ADGRL3: variants seen among roughly 807,000 people sequenced by gnomAD.
ADGRL3 encodes the protein adhesion G protein-coupled receptor L3.
Under a neutral mutation model 153.5 loss-of-function variants are expected in ADGRL3, and 62 were observed. That is an observed-to-expected ratio of 0.40 (90% CI 0.33 to 0.50). The LOEUF is 0.50. ADGRL3 is among the 20% of genes least tolerant of loss of function. The pLI, the probability that ADGRL3 is intolerant of heterozygous loss-of-function variation, is 0.47. For synonymous variants in ADGRL3, 710 were observed against 672.5 expected (o/e 1.06, Z -0.86); for missense variants, 1,641 against 1,859.4 (o/e 0.88, Z 2.16).
At chr4:61,453,430 G>C (rs543273911) in intron 2 of ADGRL3, among the ~76,000 whole-genome samples, 1 of 152,040 alleles carries the variant, frequency 6.6e-6, no homozygotes, top group African/African-American at 2.4e-5. Context: ...TAGGGGTAAC[G>C]ATTGACATGC....
chr4:61,811,304 G>C (rs1226796523), intron 8 of ADGRL3, among the ~76,000 whole-genome samples: 1 of 151,936 alleles, frequency 6.6e-6, no homozygotes, highest in Non-Finnish European at 1.5e-5. Flanking sequence ...GGAAAAAGGA[G>C]TAAAGTACTG....
At chr4:61,281,862 T>C (rs2093736106) in intron 1 of ADGRL3, among the ~76,000 whole-genome samples, 1 of 152,162 alleles carries the variant, frequency 6.6e-6, no homozygotes, top group Non-Finnish European at 1.5e-5. Context: ...TTTTAAAGTT[T>C]AGAAAGTCTT....
intron 1 of ADGRL3, among the ~76,000 whole-genome samples, chr4:61,372,950 G>A (rs534862196): frequency 1.2e-4 from 18 of 152,280 alleles, no homozygotes; most frequent in Middle Eastern, 6.8e-3. Context: ...TTTTAAGCCC[G>A]TCGGAAAAGC....
intron 5 of ADGRL3, among the ~76,000 whole-genome samples, chr4:61,647,454 G>T (rs2094065771): frequency 6.6e-6 from 1 of 152,034 alleles, no homozygotes; most frequent in Non-Finnish European, 1.5e-5. Flanking sequence ...TTCACACATT[G>T]GTAGACAACA....
At chr4:61,645,028 C>G (rs1394763099) in intron 5 of ADGRL3, among the ~76,000 whole-genome samples, 1 of 152,076 alleles carries the variant, frequency 6.6e-6, no homozygotes, top group Admixed American at 6.6e-5. Flanking sequence ...TGATCCTTTA[C>G]CATTATGTAA....
intron 4 of ADGRL3, among the ~76,000 whole-genome samples, chr4:61,544,919 TC>T (rs1312995622): frequency 3.3e-5 from 5 of 152,224 alleles, no homozygotes; most frequent in Admixed American, 6.5e-5. Context: ...AGTATTTTTT[TC>T]TTTTACTCTT....
At chr4:61,477,507 A>G (rs2098079789) in intron 2 of ADGRL3, among the ~76,000 whole-genome samples, 1 of 152,198 alleles carries the variant, frequency 6.6e-6, no homozygotes, top group South Asian at 2.1e-4. Context: ...TTATGGAATC[A>G]AGGATTTTAA....
At chr4:61,918,916 C>T (rs908654313) in intron 13 of ADGRL3, among the ~76,000 whole-genome samples, 3 of 152,158 alleles carry the variant, frequency 2.0e-5, no homozygotes, top group Admixed American at 6.5e-5. Context: ...GTTTTACTTG[C>T]GTGCCTTTGG....
intron 5 of ADGRL3, among the ~76,000 whole-genome samples, chr4:61,617,171 T>C (rs990645755): frequency 5.3e-5 from 8 of 152,184 alleles, no homozygotes; most frequent in South Asian, 2.1e-4. Flanking sequence ...ATTCAGGTGG[T>C]CTGCATTGTT....
Position 61,676,809 on chromosome 4 carries a change from CTTTCT to C in ADGRL3, c.474-13_474-9del. The C allele has an allele frequency of 3.2e-6, 5 of 1,569,732 alleles. No homozygotes were observed. The highest frequency in any genetic ancestry group is 4.4e-6 in the Non-Finnish European group (5 of 1,140,622). On this transcript the variant is annotated splice_polypyrimidine_tract_variant and intron_variant, in intron 5 of 26. Coordinates refer to ENST00000683033, the MANE Select transcript of ADGRL3 (RefSeq NM_001387552.1). ...TTGCATAAGCTTACTACTTCTTTTC[CTTTCT>C]TTTGACTTCAGATGCAATAACAGAA...
chr4:61,915,941 G>T (rs182849846), intron 13 of ADGRL3, among the ~76,000 whole-genome samples: 1 of 152,002 alleles, frequency 6.6e-6, no homozygotes, highest in South Asian at 2.1e-4. Flanking sequence ...TTTCATAAGC[G>T]CAAGCAATGA....
At chr4:61,508,965 A>T (rs1054271348) in intron 3 of ADGRL3, among the ~76,000 whole-genome samples, 3 of 152,064 alleles carry the variant, frequency 2.0e-5, no homozygotes, top group African/African-American at 7.2e-5. Flanking sequence ...AAACCATCAG[A>T]TCTTGTGAAA....
chr4:61,643,293 C>T (rs912908087), intron 5 of ADGRL3, among the ~76,000 whole-genome samples: 5 of 151,970 alleles, frequency 3.3e-5, no homozygotes, highest in East Asian at 1.9e-4. Context: ...CTTCTCCTGC[C>T]TAATTGCCCT....
rs1561105134 is a variant in ADGRL3 at position 61,711,461 on chromosome 4, TATATATATATATATATA to T, written c.584-19160_584-19144del. On this transcript the variant is annotated intron_variant, in intron 6 of 26. Transcript: ENST00000683033. ...CTATCTTAAAACATATGCTTCATTA[TATATATATATATATATA>T]TATATATATATATACACACACACAC... Among the ~76,000 whole-genome samples, 106 of 70,112 alleles carry T rather than the reference TATATATATATATATATA, an allele frequency of 1.5e-3. 8 individuals carry two copies. The Middle Eastern group carries it at 0.027, about 18-fold the overall frequency. The allele number at this position is 70,112 out of a possible 152,430, so 46.0% of individuals were successfully genotyped here.
intron 9 of ADGRL3, among the ~76,000 whole-genome samples, chr4:61,858,458 TA>T (rs2098303606): frequency 6.6e-6 from 1 of 152,030 alleles, no homozygotes; most frequent in Non-Finnish European, 1.5e-5. Context: ...CCACCTCTAC[TA>T]AAAATACAAA....
intron 2 of ADGRL3, among the ~76,000 whole-genome samples, chr4:61,422,520 G>T (rs1345301345): frequency 1.3e-5 from 2 of 152,016 alleles, no homozygotes; most frequent in Admixed American, 6.5e-5. Flanking sequence ...TTTTATACTT[G>T]GTTATATTAT....
chr4:61,398,634 C>G (rs927446578), intron 2 of ADGRL3, among the ~76,000 whole-genome samples: 3 of 151,322 alleles, frequency 2.0e-5, no homozygotes, highest in Non-Finnish European at 3.0e-5. Flanking sequence ...ATCCTTTTGG[C>G]TTCTTCTGTT....
chr4:61,917,968 T>C (rs1560373295), intron 13 of ADGRL3, among the ~76,000 whole-genome samples: 1 of 152,124 alleles, frequency 6.6e-6, no homozygotes, highest in African/African-American at 2.4e-5. Flanking sequence ...AAAAGCCTAG[T>C]AAACAAACCA....
intron 1 of ADGRL3, among the ~76,000 whole-genome samples, chr4:61,295,893 C>T (rs1163858529): frequency 6.6e-6 from 1 of 151,730 alleles, no homozygotes; most frequent in Non-Finnish European, 1.5e-5. Context: ...AGATCGCTTG[C>T]GTCCAAGAGT....
Sources: allele counts gnomAD v4.1 joint callset (sites outside exome capture counted in the v4.1 genomes callset), GRCh38; gene constraint gnomAD v4.1.1; transcripts MANE v1.5; gene names NCBI Gene and HGNC (gene_info 2026-07-23, HGNC 2026-07-21).